Variants in KRT2 observed in about 807,000 individuals in gnomAD.
KRT2 encodes keratin 2, also known as keratin, type II cytoskeletal 2 epidermal.
In KRT2, 37 loss-of-function variants were observed where a neutral mutation model predicts 48.5. The observed-to-expected ratio is 0.76, with a 90% CI of 0.59 to 1.00. The LOEUF (loss-of-function observed/expected upper bound fraction) is 1.00, where lower values mean the gene tolerates loss of function less well. Ranked by LOEUF, KRT2 falls within the 50% of genes least tolerant of loss-of-function variation. The pLI is 0.00. For synonymous variants in KRT2, 324 were observed against 312.2 expected (o/e 1.04, Z -0.40); for missense variants, 880 against 815.2 (o/e 1.08, Z -0.97).
chr12:52,650,429 T>C lies in KRT2; in HGVS notation c.710A>G (p.Lys237Arg), dbSNP rs147349109. 8.1e-6 allele frequency: 13 copies of C among 1,614,064 alleles called. No homozygotes were observed. In the African/African-American group the frequency reaches 1.5e-4, roughly 18 times the overall value. ...PIFQGYIDSL[K>R]RYLDGLTAER... is the part of the protein sequence containing the mutation. ...TGCAGTGAGCCCATCCAGATATCTC[T>C]TGAGGCTGTCGATATACCCCTGGAA... Residue 237 changes from lysine (K) to arginine (R), a missense_variant, in exon 2 of 9, where the codon AAG (lysine) becomes AGG (arginine). Coordinates refer to ENST00000309680, the MANE Select transcript of KRT2 (RefSeq NM_000423.3).
chr12:52,647,270 T>C (rs548480743), intron 6 of KRT2, among the ~76,000 whole-genome samples: 7 of 152,340 alleles, frequency 4.6e-5, no homozygotes, highest in African/African-American at 1.7e-4. Flanking sequence ...AAGCTTCTGC[T>C]GCTGATGGAA....
chr12:52,647,030 C>T (rs1941177936), intron 6 of KRT2, 70 bp from the exon 7 acceptor site: 4 of 1,431,286 alleles, frequency 2.8e-6, no homozygotes. Context: ...GTTCGAAGTG[C>T]AGGAAGCCAG....
At chr12:52,648,076 A>G in intron 5 of KRT2, 97 bp downstream of exon 5, 2 of 1,439,598 alleles carry the variant, frequency 1.4e-6, no homozygotes, top group Non-Finnish European at 2.0e-6. Flanking sequence ...CTACCATTAA[A>G]CAAAAAACCA....
At position 52,648,472 on chromosome 12, in the gene KRT2, C is replaced by A. The variant is rs1037835900; in HGVS notation, c.958-135G>T. ...ACTAGGTGGGATGAAAATCATGTAA[C>A]CGTCTACTCCTGGGCCTCTCCCAAG... On this transcript the variant is annotated intron_variant, in intron 4 of 8. Transcript: ENST00000309680. 14 of 813,194 alleles carry A rather than the reference C, an allele frequency of 1.7e-5. No individual in the cohort carries two copies. In the African/African-American group the frequency reaches 2.2e-4, roughly 13 times the overall value. 50.4% of individuals were successfully genotyped at this position (813,194 alleles called of 1,614,324 possible).
chr12:52,644,705 T>C lies in KRT2; in HGVS notation c.*314A>G, dbSNP rs1326911191. ...GAAATCCCTGGATGGGCCTGGGTCC[T>C]CAACAGAATACACATCTGGAAAATG... is the stretch of plus-strand genomic sequence containing the variant. On this transcript the variant is annotated 3_prime_UTR_variant, in exon 9 of 9. Transcript: ENST00000309680. 9.4e-6 allele frequency: 4 copies of C among 426,770 alleles called. No homozygotes were observed. Among genetic ancestry groups the C allele is most frequent in the South Asian group, 4.6e-5 (2 of 43,212 alleles). The allele number at this position is 426,770 out of a possible 1,614,324, so 26.4% of individuals were successfully genotyped here.
At chr12:52,649,679 G>C (rs1393721278) in intron 3 of KRT2, among the ~76,000 whole-genome samples, 1 of 152,228 alleles carries the variant, frequency 6.6e-6, no homozygotes, top group Non-Finnish European at 1.5e-5. Context: ...GAGGCTTTAA[G>C]TGGGTTACTA....
rs1291403594 is a variant in KRT2, at chr12:52,644,899, C to T, written c.*120G>A. 3 of 1,021,208 alleles carry T rather than the reference C, an allele frequency of 2.9e-6. No homozygotes were observed. Among genetic ancestry groups the T allele is most frequent in the Non-Finnish European group, 4.5e-6 (3 of 671,046 alleles). 63.3% of individuals were successfully genotyped at this position (1,021,208 alleles called of 1,614,324 possible). On this transcript the variant is annotated 3_prime_UTR_variant, in exon 9 of 9. Transcript: ENST00000309680. ...GTGGACATTCTTTTCCCTCAAAGTG[C>T]CATCAGAGATAAATGACAAAAATTT...
rs768328691 is a variant in KRT2, at chr12:52,645,370, A to G, written c.1569T>C (p.Gly523=). ...ATCCTCCTCCGGAACTGGACCCTCTACCTCCAGAACCTCCAAAGGCAGCCT... is the reference window on the plus strand; with the variant it reads ...ATCCTCCTCCGGAACTGGACCCTCTGCCTCCAGAACCTCCAAAGGCAGCCT... ...ASKAAFGGSG[G]RGSSSGGGYS... is the part of the protein sequence containing the mutation. Residue 523 remains glycine, a synonymous_variant, in exon 9 of 9, where the codon GGT becomes GGC. Coordinates refer to ENST00000309680, the MANE Select transcript of KRT2 (RefSeq NM_000423.3). The G allele has an allele frequency of 6.2e-7, 1 of 1,614,072 alleles. No homozygotes were observed. Among genetic ancestry groups the G allele is most frequent in the South Asian group, 1.1e-5 (1 of 91,072 alleles).
intron 1 of KRT2, 142 bp downstream of exon 1, chr12:52,651,416 C>T (rs779000554): frequency 6.7e-5 from 49 of 728,276 alleles, no homozygotes; most frequent in African/African-American, 1.4e-4. Flanking sequence ...GCGTCTTTTC[C>T]ATCTGGAAAC....
At chr12:52,651,345 G>A (rs954206418) in intron 1 of KRT2, among the ~76,000 whole-genome samples, 17 of 152,142 alleles carry the variant, frequency 1.1e-4, no homozygotes, top group African/African-American at 3.9e-4. Flanking sequence ...TAACAATAAG[G>A]TCAAAGGGAC....
intron 7 of KRT2, among the ~76,000 whole-genome samples, chr12:52,646,210 CA>C (rs1941159369): frequency 6.6e-6 from 1 of 152,208 alleles, no homozygotes; most frequent in Non-Finnish European, 1.5e-5. Context: ...ATAATACGGA[CA>C]AAGGTCTCAG....
At chr12:52,646,485 A>T (rs977993703) in intron 7 of KRT2, among the ~76,000 whole-genome samples, 1 of 152,210 alleles carries the variant, frequency 6.6e-6, no homozygotes, top group African/African-American at 2.4e-5. Context: ...TCTTTCAGAA[A>T]AGACCAGGAT....
chr12:52,649,033 C>A lies in KRT2; in HGVS notation c.931G>T (p.Glu311Ter). The change falls in exon 4 of 9, where the codon GAG (glutamate) becomes TAG (stop). Residue 311 changes from glutamate (E) to a stop codon, truncating the protein, a stop_gained. Coordinates refer to ENST00000309680, the MANE Select transcript of KRT2 (RefSeq NM_000423.3). LOFTEE classifies it high-confidence loss of function. ...SKVDLLNQEI[E>*]FLKVLYDAEI... ...GCATCATAGAGAACTTTCAGAAACT[C>A]AATTTCCTGGTTCAGCAGGTCCACC... 6.2e-7 allele frequency: 1 copy of A among 1,612,514 alleles called. No individual in the cohort carries two copies. Among genetic ancestry groups the A allele is most frequent in the South Asian group, 1.1e-5 (1 of 91,034 alleles).
Position 52,645,316 on chromosome 12 carries a change from A to G in KRT2, c.1623T>C (p.Ser541=), listed in dbSNP as rs2120936737. Residue 541 remains serine, a synonymous_variant, in exon 9 of 9, where the codon TCT becomes TCC. Transcript: ENST00000309680. The part of the protein sequence containing the change: ...GYSSGSSSYG[S]GGRQSGSRGG... ...CTCTGGAGCCAGACTGTCGGCCTCC[A>G]GAGCCATAACTGCTGCTTCCAGAGC... The G allele has an allele frequency of 6.2e-7, 1 of 1,614,184 alleles. No individual in the cohort carries two copies. Among genetic ancestry groups the G allele is most frequent in the Non-Finnish European group, 8.5e-7 (1 of 1,180,040 alleles).
At position 52,651,684 on chromosome 12, in the gene KRT2, G is replaced by T. The variant is rs768075243; in HGVS notation, c.459C>A (p.Val153=). The stretch of plus-strand genomic sequence containing the variant: ...GCTGCAGGAGGCTCTGGTTGACAGA[G>T]ACTTCGTGGATGCCACCAGGGTATC... ...PGGYPGGIHE[V]SVNQSLLQPL... The change falls in exon 1 of 9, where the codon GTC becomes GTA. Residue 153 remains valine, a synonymous_variant. Transcript: ENST00000309680. 1.2e-6 allele frequency: 2 copies of T among 1,614,048 alleles called. No individual in the cohort carries two copies. Among genetic ancestry groups the T allele is most frequent in the South Asian group, 1.1e-5 (1 of 91,068 alleles).
chr12:52,649,143 A>G (rs768426999), intron 3 of KRT2, 41 bp from the exon 4 acceptor site: 2 of 1,237,022 alleles, frequency 1.6e-6, no homozygotes, highest in African/African-American at 1.5e-5. Flanking sequence ...GGTTCCCTGT[A>G]CAGGCCTCTT....
rs765433666 is a variant in KRT2, at chr12:52,651,537, A to T, written c.585+21T>A. 8.4e-6 allele frequency: 13 copies of T among 1,554,384 alleles called. No individual in the cohort carries two copies. The South Asian group carries it at 1.4e-4, about 17-fold the overall frequency. On this transcript the variant is annotated intron_variant, in intron 1 of 8. Coordinates refer to ENST00000309680, the MANE Select transcript of KRT2 (RefSeq NM_000423.3). ...GTGAAGTGGCCTGAGCATCAGTGGG[A>T]GCCGTCTTCTCCAGAGTCACCTTGT...
chr12:52,647,862 T>A lies in KRT2; in HGVS notation c.1123-7A>T, dbSNP rs1941191722. 1 of 1,613,936 alleles carries A rather than the reference T, an allele frequency of 6.2e-7. No individual in the cohort carries two copies. Among genetic ancestry groups the A allele is most frequent in the Non-Finnish European group, 8.5e-7 (1 of 1,180,014 alleles). The stretch of plus-strand genomic sequence containing the variant: ...TCACCTGGAGCTCCTCATACTGATA[T>A]GGGGAGAAGAGGACAGTTTGCAAGG... On this transcript the variant is annotated splice_polypyrimidine_tract_variant and splice_region_variant and intron_variant, in intron 5 of 8. Transcript: ENST00000309680.
intron 1 of KRT2, 39 bp from the exon 2 acceptor site, chr12:52,650,592 A>G: frequency 6.4e-7 from 1 of 1,558,608 alleles, no homozygotes; most frequent in Non-Finnish European, 8.8e-7. Context: ...GTTCTAGATC[A>G]TCCTTCACAC....
Sources: allele counts gnomAD v4.1 joint callset (sites outside exome capture counted in the v4.1 genomes callset), GRCh38; gene constraint gnomAD v4.1.1; transcripts MANE v1.5; gene names NCBI Gene and HGNC (gene_info 2026-07-23, HGNC 2026-07-21).